PTPRG: variants seen among roughly 807,000 people sequenced by gnomAD.
The protein encoded by PTPRG is receptor-type tyrosine-protein phosphatase gamma.
A neutral mutation model predicts 165.3 loss-of-function variants in PTPRG; 102 were observed. The observed-to-expected ratio is 0.62, with a 90% CI of 0.53 to 0.73. PTPRG has a LOEUF of 0.73. Among genes scored for constraint, PTPRG ranks in the 30% least tolerant of loss-of-function variants. The pLI, the probability that PTPRG is intolerant of heterozygous loss-of-function variation, is 0.00. For synonymous variants in PTPRG, 675 were observed against 669.5 expected (o/e 1.01, Z -0.13); for missense variants, 1,866 against 1,861.4 (o/e 1.00, Z -0.05).
At chr3:62,086,653 T>A (rs1701762089) in intron 5 of PTPRG, among the ~76,000 whole-genome samples, 1 of 152,242 alleles carries the variant, frequency 6.6e-6, no homozygotes, top group African/African-American at 2.4e-5. Context: ...GAAGTGCAAT[T>A]TCAGAATGTT....
Position 61,926,581 on chromosome 3 carries a change from TTCCCTCCCTCCC to T in PTPRG, c.191-63024_191-63013del, listed in dbSNP as rs753369598. Reference sequence around the variant, plus strand: ...CAGTCTCAGTCCTCCTTTCTTCCCCTTCCCTCCCTCCCTCCCTCCCTCCCTCCCTCCTTCCTT... The same window carrying T: ...CAGTCTCAGTCCTCCTTTCTTCCCCTTCCCTCCCTCCCTCCCTCCTTCCTT... On this transcript the variant is annotated intron_variant, in intron 2 of 29. Transcript: ENST00000474889. Among the ~76,000 whole-genome samples, 11 of 91,592 alleles carry T rather than the reference TTCCCTCCCTCCC, an allele frequency of 1.2e-4. No homozygotes were observed. The East Asian group carries it at 1.6e-3, about 13-fold the overall frequency. The allele number at this position is 91,592 out of a possible 152,430, so 60.1% of individuals were successfully genotyped here.
intron 3 of PTPRG, among the ~76,000 whole-genome samples, chr3:62,000,121 G>T (rs1185882384): frequency 1.3e-5 from 2 of 151,920 alleles, no homozygotes; most frequent in African/African-American, 4.8e-5. Flanking sequence ...TGGCTAACAT[G>T]GTGAAACCCT....
intron 4 of PTPRG, among the ~76,000 whole-genome samples, chr3:62,029,594 A>T (rs10490778): frequency 0.29 from 43,846 of 152,138 alleles, 6,998 homozygotes; most frequent in African/African-American, 0.4. Flanking sequence ...TCCACATTTT[A>T]AAAACACATA....
At chr3:62,033,947 G>A (rs550782528) in intron 4 of PTPRG, among the ~76,000 whole-genome samples, 2 of 152,072 alleles carry the variant, frequency 1.3e-5, no homozygotes, top group South Asian at 4.2e-4. Flanking sequence ...TGTATTTTTG[G>A]TAGAGACGGG....
In PTPRG at chr3:61,962,096, G is replaced by A. The variant is rs759473942; in HGVS notation, c.191-27529G>A. ...TTAAGTACGTTGATTTCTCTTCTGC[G>A]TCAATATATCTGACACCTTAAGCTC... On this transcript the variant is annotated intron_variant, in intron 2 of 29. Coordinates refer to ENST00000474889, the MANE Select transcript of PTPRG (RefSeq NM_002841.4). 1.4e-4 allele frequency among the ~76,000 whole-genome samples: 21 copies of A among 152,206 alleles called. 1 individual carries two copies. The highest frequency in any genetic ancestry group is 8.3e-4 in the South Asian group (4 of 4,816).
chr3:61,916,279 A>C (rs1013106995), intron 2 of PTPRG, among the ~76,000 whole-genome samples: 2 of 152,190 alleles, frequency 1.3e-5, no homozygotes, highest in African/African-American at 4.8e-5. Context: ...GTGTGTATAG[A>C]GCTACACTAT....
In PTPRG at chr3:62,286,347, T is replaced by G. The variant is rs560819864; in HGVS notation, c.4055+3478T>G. Among the ~76,000 whole-genome samples, 19 of 152,290 alleles carry G rather than the reference T, an allele frequency of 1.2e-4. No homozygotes were observed. In the South Asian group the frequency reaches 3.7e-3, roughly 30 times the overall value. On this transcript the variant is annotated intron_variant, in intron 28 of 29. Transcript: ENST00000474889. ...GCTTCAATTTTTTTGTTTTCCTTTC[T>G]GCCCTACTGATTTCAAAAGGAAGCT...
chr3:61,707,793 T>G (rs2031338105), intron 1 of PTPRG, among the ~76,000 whole-genome samples: 1 of 152,148 alleles, frequency 6.6e-6, no homozygotes, highest in African/African-American at 2.4e-5. Context: ...AATGCCTATT[T>G]TATTATTATT....
intron 4 of PTPRG, among the ~76,000 whole-genome samples, chr3:62,038,788 C>T (rs1297076695): frequency 1.3e-5 from 2 of 151,388 alleles, no homozygotes; most frequent in African/African-American, 2.4e-5. Context: ...TTTTTTTTTT[C>T]CAACTTCCTC....
At chr3:62,175,336 C>G (rs1341014941) in intron 8 of PTPRG, among the ~76,000 whole-genome samples, 1 of 152,136 alleles carries the variant, frequency 6.6e-6, no homozygotes, top group East Asian at 1.9e-4. Context: ...AGCAAGAGAG[C>G]CGAGTGCCGT....
chr3:62,221,246 A>G (rs1283269846), intron 13 of PTPRG, among the ~76,000 whole-genome samples: 1 of 152,214 alleles, frequency 6.6e-6, no homozygotes, highest in Non-Finnish European at 1.5e-5. Context: ...ACATGTATGC[A>G]TATATTTCAT....
intron 2 of PTPRG, among the ~76,000 whole-genome samples, chr3:61,831,484 GT>G (rs1326102000): frequency 1.3e-5 from 2 of 151,696 alleles, no homozygotes; most frequent in East Asian, 1.9e-4. Context: ...TTTTGTTTTT[GT>G]TTTTTTTAAC....
chr3:62,171,979 ATTC>A (rs1705235790), intron 8 of PTPRG, among the ~76,000 whole-genome samples: 1 of 152,130 alleles, frequency 6.6e-6, no homozygotes, highest in Non-Finnish European at 1.5e-5. Flanking sequence ...GAATTTGTCT[ATTC>A]TGCACATTTT....
intron 2 of PTPRG, among the ~76,000 whole-genome samples, chr3:61,956,273 CTG>C (rs1231179489): frequency 2.9e-5 from 3 of 103,482 alleles, no homozygotes; most frequent in African/African-American, 1.0e-4. Context: ...CGCGTGCACG[CTG>C]TCTCTCTCTC....
chr3:62,280,937 C>CA (rs1275596297), intron 26 of PTPRG, among the ~76,000 whole-genome samples: 1 of 151,972 alleles, frequency 6.6e-6, no homozygotes, highest in Non-Finnish European at 1.5e-5. Flanking sequence ...TCATATCCAA[C>CA]ATGAGGACTA....
At chr3:61,657,516 T>C (rs1174964031) in intron 1 of PTPRG, among the ~76,000 whole-genome samples, 1 of 152,192 alleles carries the variant, frequency 6.6e-6, no homozygotes, top group African/African-American at 2.4e-5. Context: ...GGTGAGCTCC[T>C]GTAGTCCCAC....
intron 14 of PTPRG, among the ~76,000 whole-genome samples, chr3:62,236,200 C>T (rs1008592123): frequency 6.6e-6 from 1 of 152,176 alleles, no homozygotes; most frequent in African/African-American, 2.4e-5. Flanking sequence ...GGCTCCTTTC[C>T]AAGTGGAATC....
At chr3:62,196,424 A>C (rs1699965419) in intron 10 of PTPRG, among the ~76,000 whole-genome samples, 1 of 152,160 alleles carries the variant, frequency 6.6e-6, no homozygotes, top group Admixed American at 6.5e-5. Flanking sequence ...AATATAATAA[A>C]ATAGATACAA....
intron 1 of PTPRG, among the ~76,000 whole-genome samples, chr3:61,676,332 G>A (rs142770230): frequency 1.3e-5 from 2 of 150,898 alleles, no homozygotes; most frequent in African/African-American, 2.4e-5. Flanking sequence ...TGGCGGGCAC[G>A]TGAAATCCCA....
Sources: gnomAD v4.1 joint callset for allele counts (sites outside exome capture counted in the v4.1 genomes callset) on GRCh38, gnomAD v4.1.1 for gene constraint, MANE v1.5 for transcripts, NCBI Gene and HGNC (gene_info 2026-07-23, HGNC 2026-07-21) for gene names.